PLGRKT: variants seen among roughly 807,000 people sequenced by gnomAD.
The protein encoded by PLGRKT is plasminogen receptor with a C-terminal lysine.
Under a neutral mutation model 18.5 loss-of-function variants are expected in PLGRKT, and 22 were observed. The ratio of observed to expected loss-of-function variants is 1.19; its 90% CI spans 0.85 to 1.70. The LOEUF (loss-of-function observed/expected upper bound fraction) is 1.70, where lower values mean the gene tolerates loss of function less well. PLGRKT is among the 40% of genes most tolerant of loss of function. The probability of loss-of-function intolerance (pLI) is 0.00; values close to 1 mark genes in which losing one functional copy is unlikely to be tolerated. For missense variants in PLGRKT, 235 were observed against 174.4 expected (o/e 1.35, Z -1.96); for synonymous variants, 72 against 52.8 (o/e 1.36, Z -1.58).
chr9:5,424,058 T>A (rs111206550), intron 3 of PLGRKT, among the ~76,000 whole-genome samples: 1 of 145,086 alleles, frequency 6.9e-6, no homozygotes, highest in African/African-American at 2.5e-5. Context: ...ACACATCACA[T>A]TGCCCAGCTA....
At chr9:5,415,559 G>C (rs1190585859) in intron 3 of PLGRKT, among the ~76,000 whole-genome samples, 1 of 152,140 alleles carries the variant, frequency 6.6e-6, no homozygotes, top group Non-Finnish European at 1.5e-5. Context: ...AGAAAAAATA[G>C]TAACTTTACA....
chr9:5,363,555 G>T (rs1817315671), intron 3 of PLGRKT, among the ~76,000 whole-genome samples: 1 of 152,068 alleles, frequency 6.6e-6, no homozygotes, highest in Admixed American at 6.5e-5. Flanking sequence ...GCCTCTCTTA[G>T]GCATGCTCTC....
At chr9:5,371,805 A>T (rs1014745165) in intron 3 of PLGRKT, among the ~76,000 whole-genome samples, 1 of 151,898 alleles carries the variant, frequency 6.6e-6, no homozygotes, top group African/African-American at 2.4e-5. Context: ...GTATTTCCTC[A>T]TTTTAAAGAG....
chr9:5,413,754 T>C (rs1818408502), intron 3 of PLGRKT, among the ~76,000 whole-genome samples: 1 of 152,230 alleles, frequency 6.6e-6, no homozygotes, highest in South Asian at 2.1e-4. Flanking sequence ...TTTAAATCAC[T>C]AAGTTTGTGA....
intron 3 of PLGRKT, among the ~76,000 whole-genome samples, chr9:5,421,004 T>C (rs981034462): frequency 1.3e-5 from 2 of 152,240 alleles, no homozygotes; most frequent in African/African-American, 4.8e-5. Flanking sequence ...GCACACACTA[T>C]ATTTTATGTT....
chr9:5,397,904 T>G (rs1358745452), intron 3 of PLGRKT, among the ~76,000 whole-genome samples: 1 of 151,884 alleles, frequency 6.6e-6, no homozygotes, highest in African/African-American at 2.4e-5. Context: ...GTCACTTTCT[T>G]CTCCTCCTTA....
chr9:5,429,306 C>G (rs772088657), intron 3 of PLGRKT, among the ~76,000 whole-genome samples: 2 of 152,212 alleles, frequency 1.3e-5, no homozygotes, highest in Admixed American at 6.5e-5. Context: ...CACTATGAAG[C>G]TCCAGTGAGG....
chr9:5,417,819 T>A (rs926962208), intron 3 of PLGRKT, among the ~76,000 whole-genome samples: 2 of 151,848 alleles, frequency 1.3e-5, no homozygotes. Flanking sequence ...AAAAAACGAC[T>A]GTCCATTTTG....
chr9:5,361,934 T>C (rs1342559774), intron 3 of PLGRKT, 46 bp from the exon 4 acceptor site: 1 of 1,557,984 alleles, frequency 6.4e-7, no homozygotes, highest in Non-Finnish European at 8.8e-7. Flanking sequence ...ATCTTTGGAA[T>C]CTGAACAAAT....
At chr9:5,429,671 C>T (rs73397161) in intron 3 of PLGRKT, among the ~76,000 whole-genome samples, 1 of 152,162 alleles carries the variant, frequency 6.6e-6, no homozygotes, top group African/African-American at 2.4e-5. Context: ...GGGGCCCATT[C>T]TAACGACCTC....
rs563463207 is a variant in PLGRKT, at chr9:5,408,764, G to A, written c.81+23133C>T. ...CAGCCCCTCCCATCACAGGCCCAGAGGCCTAAGAGGACAGAATGGTTTCCT... is the reference window on the plus strand; with the variant it reads ...CAGCCCCTCCCATCACAGGCCCAGAAGCCTAAGAGGACAGAATGGTTTCCT... On this transcript the variant is annotated intron_variant, in intron 3 of 5. Transcript: ENST00000223864. Among the ~76,000 whole-genome samples, 233 of 152,330 alleles carry A rather than the reference G, an allele frequency of 1.5e-3. 2 individuals are homozygous for A. Among genetic ancestry groups the A allele is most frequent in the Non-Finnish European group, 2.5e-3 (172 of 68,022 alleles).
At chr9:5,419,438 TAC>T (rs906582235) in intron 3 of PLGRKT, among the ~76,000 whole-genome samples, 69 of 152,276 alleles carry the variant, frequency 4.5e-4, no homozygotes, top group African/African-American at 1.6e-3. Context: ...AGGTGCTGGC[TAC>T]AGAGGCCACG....
intron 3 of PLGRKT, among the ~76,000 whole-genome samples, chr9:5,371,859 C>A (rs1817523840): frequency 6.6e-6 from 1 of 151,668 alleles, no homozygotes; most frequent in African/African-American, 2.4e-5. Context: ...CTATGTCATT[C>A]CCAACAGTGC....
At chr9:5,370,911 C>T (rs1817501851) in intron 3 of PLGRKT, among the ~76,000 whole-genome samples, 1 of 152,096 alleles carries the variant, frequency 6.6e-6, no homozygotes, top group Non-Finnish European at 1.5e-5. Context: ...ATGAGGAAAT[C>T]AGTAGTAATT....
chr9:5,434,942 G>A (rs972861273), intron 2 of PLGRKT, among the ~76,000 whole-genome samples: 1 of 152,086 alleles, frequency 6.6e-6, no homozygotes, highest in East Asian at 1.9e-4. Context: ...GAAAGAAGTA[G>A]ACATAGGAGA....
chr9:5,413,243 T>A (rs1015500470), intron 3 of PLGRKT, among the ~76,000 whole-genome samples: 4 of 152,142 alleles, frequency 2.6e-5, no homozygotes, highest in African/African-American at 9.7e-5. Context: ...TATAAAAATA[T>A]GAAAGAACAA....
intron 3 of PLGRKT, among the ~76,000 whole-genome samples, chr9:5,379,511 T>C (rs918088865): frequency 7.2e-5 from 11 of 152,204 alleles, no homozygotes; most frequent in Non-Finnish European, 1.2e-4. Context: ...TGTGTGTGTG[T>C]GTGTGTACAC....
At position 5,374,167 on chromosome 9, in the gene PLGRKT, G is replaced by A. The variant is rs557783530; in HGVS notation, c.82-12279C>T. ...TCCTTTGGGATCTCCACTGGGAAAT[G>A]GAGAGCAAAATCTAATTATAATATC... On this transcript the variant is annotated intron_variant, in intron 3 of 5. Transcript: ENST00000223864. Among the ~76,000 whole-genome samples, 3 of 152,272 alleles carry A rather than the reference G, an allele frequency of 2.0e-5. No individual in the cohort carries two copies. In the South Asian group the frequency reaches 6.2e-4, roughly 32 times the overall value.
intron 3 of PLGRKT, among the ~76,000 whole-genome samples, chr9:5,404,562 T>A (rs4008403): frequency 0.27 from 40,698 of 152,094 alleles, 6,027 homozygotes; most frequent in African/African-American, 0.39. Context: ...AAAACACCTT[T>A]GATAAAATTC....
Sources: gnomAD v4.1 joint callset for allele counts (sites outside exome capture counted in the v4.1 genomes callset) on GRCh38, gnomAD v4.1.1 for gene constraint, MANE v1.5 for transcripts, NCBI Gene and HGNC (gene_info 2026-07-23, HGNC 2026-07-21) for gene names.